The following STXBP5L variants were observed in gnomAD, a reference collection of about 807,000 sequenced individuals.
The protein encoded by STXBP5L is syntaxin binding protein 5L.
A neutral mutation model predicts 144.5 loss-of-function variants in STXBP5L; 65 were observed. The observed-to-expected ratio is 0.45, with a 90% CI of 0.37 to 0.55. The LOEUF (loss-of-function observed/expected upper bound fraction) is 0.55, where lower values mean the gene tolerates loss of function less well. Ranked by LOEUF, STXBP5L falls within the 20% of genes least tolerant of loss-of-function variation. The probability of loss-of-function intolerance (pLI) is 0.00; values close to 1 mark genes in which losing one functional copy is unlikely to be tolerated. For missense variants in STXBP5L, 1,298 were observed against 1,405.5 expected (o/e 0.92, Z 1.22); for synonymous variants, 505 against 469.6 (o/e 1.08, Z -0.97).
intron 5 of STXBP5L, among the ~76,000 whole-genome samples, chr3:121,089,092 T>TAAAAAAAAAAAAAA (rs375977537): frequency 3.6e-5 from 2 of 56,150 alleles, no homozygotes; most frequent in African/African-American, 6.9e-5. Context: ...TAGAGTATAA[T>TAAAAAAAAAAAAAA]AAAAAAAAAA....
At chr3:121,416,320 T>A (rs2047231896) in intron 25 of STXBP5L, among the ~76,000 whole-genome samples, 2 of 151,596 alleles carry the variant, frequency 1.3e-5, no homozygotes. Context: ...TTGAATCTGC[T>A]TGACTTTAAT....
At chr3:120,957,609 G>A (rs1449403900) in intron 3 of STXBP5L, among the ~76,000 whole-genome samples, 5 of 151,794 alleles carry the variant, frequency 3.3e-5, no homozygotes, top group Non-Finnish European at 7.4e-5. Context: ...AAGAGTTTGA[G>A]TAGAAGTAGT....
At chr3:121,289,874 C>T in intron 19 of STXBP5L, among the ~76,000 whole-genome samples, 1 of 152,032 alleles carries the variant, frequency 6.6e-6, no homozygotes, top group Non-Finnish European at 1.5e-5. Flanking sequence ...GTAATAGTGG[C>T]ACAACCTATC....
rs1559881678 is a variant in STXBP5L, at chr3:121,223,008, C to G, written c.962C>G (p.Pro321Arg). The G allele has an allele frequency of 1.9e-6, 3 of 1,597,426 alleles. No individual in the cohort carries two copies. Residue 321 changes from proline to arginine, a missense_variant, in exon 11 of 27, where the codon CCA becomes CGA. Physicochemically the swap from Pro to Arg is moderately radical, Grantham distance 103. Coordinates refer to ENST00000471454, the MANE Select transcript of STXBP5L (RefSeq NM_001308330.2). ...TCATGTTTTTTCCTATGTAGCGAAC[C>G]ATTCATAATATTCTCTGGTGGGCTG... ...VEYKTCKNSE[P>R]FIIFSGGLSY...
At chr3:121,313,208 A>G (rs1352152385) in intron 19 of STXBP5L, among the ~76,000 whole-genome samples, 5 of 116,930 alleles carry the variant, frequency 4.3e-5, no homozygotes, top group South Asian at 3.2e-4. Flanking sequence ...GGCCGGCCGG[A>G]AGGGGGGCTG....
chr3:121,090,284 T>G (rs1489713344), intron 5 of STXBP5L, among the ~76,000 whole-genome samples: 1 of 152,114 alleles, frequency 6.6e-6, no homozygotes. Context: ...GTGCTCCATT[T>G]AAACTCACTG....
intron 19 of STXBP5L, among the ~76,000 whole-genome samples, chr3:121,306,972 G>GGCAGACA (rs1432553066): frequency 6.6e-6 from 1 of 152,026 alleles, no homozygotes; most frequent in Non-Finnish European, 1.5e-5. Flanking sequence ...TATTAACAGA[G>GGCAGACA]GCAGACAGGT....
chr3:121,102,853 A>G (rs140447374), intron 5 of STXBP5L, among the ~76,000 whole-genome samples: 1 of 152,236 alleles, frequency 6.6e-6, no homozygotes, highest in East Asian at 1.9e-4. Context: ...ATAATTCAAC[A>G]AGCAAGAAAC....
chr3:120,985,011 C>A (rs1327804102), intron 3 of STXBP5L, among the ~76,000 whole-genome samples: 1 of 151,994 alleles, frequency 6.6e-6, no homozygotes. Flanking sequence ...GAATAAATCC[C>A]ACTTGGTCAT....
chr3:120,927,061 G>A (rs1425076521), intron 2 of STXBP5L, among the ~76,000 whole-genome samples: 7 of 151,240 alleles, frequency 4.6e-5, no homozygotes, highest in Non-Finnish European at 8.8e-5. Context: ...TCAGCCTCCC[G>A]AGTATCTAGG....
At chr3:120,963,278 G>T (rs1052842184) in intron 3 of STXBP5L, among the ~76,000 whole-genome samples, 6 of 152,092 alleles carry the variant, frequency 3.9e-5, no homozygotes, top group Admixed American at 6.6e-5. Flanking sequence ...TCTTTCTCTT[G>T]TTTGATTGCC....
intron 2 of STXBP5L, among the ~76,000 whole-genome samples, chr3:120,954,178 A>C (rs771132842): frequency 2.0e-5 from 3 of 152,136 alleles, no homozygotes; most frequent in Non-Finnish European, 2.9e-5. Context: ...CGTATACATA[A>C]CATTGAATAG....
chr3:121,168,366 A>G (rs144895961), intron 9 of STXBP5L, among the ~76,000 whole-genome samples: 73 of 152,334 alleles, frequency 4.8e-4, no homozygotes, highest in African/African-American at 1.7e-3. Context: ...AGTAGGCTTC[A>G]GGAGGTGAGT....
rs1408800716 is a variant in STXBP5L, at chr3:120,991,386, C to A, written c.287+36349C>A. On this transcript the variant is annotated intron_variant, in intron 3 of 26. Transcript: ENST00000471454. ...GAACACTTTTACAGTGGTGGTGGGA[C>A]TGTAAACTAGTTCAACCATTGTGGA... Among the ~76,000 whole-genome samples, 14 of 151,760 alleles carry A rather than the reference C, an allele frequency of 9.2e-5. 1 individual carries two copies. The highest frequency in any genetic ancestry group is 2.1e-4 in the Non-Finnish European group (14 of 67,958).
chr3:120,976,651 G>A (rs1270732445), intron 3 of STXBP5L, among the ~76,000 whole-genome samples: 15 of 151,920 alleles, frequency 9.9e-5, no homozygotes, highest in East Asian at 1.9e-4. Context: ...TGTCAATTTT[G>A]GATCTTTCCT....
At chr3:121,203,831 T>A (rs2048231326) in intron 9 of STXBP5L, among the ~76,000 whole-genome samples, 2 of 152,204 alleles carry the variant, frequency 1.3e-5, no homozygotes, top group Non-Finnish European at 2.9e-5. Context: ...GGAAAAGACA[T>A]ATAAACTAAG....
chr3:121,293,434 G>A (rs545760021), intron 19 of STXBP5L, among the ~76,000 whole-genome samples: 6 of 148,888 alleles, frequency 4.0e-5, no homozygotes, highest in African/African-American at 1.0e-4. Context: ...GGATGTATAC[G>A]TATGTCAAAA....
chr3:120,986,024 T>A (rs12152367), intron 3 of STXBP5L, among the ~76,000 whole-genome samples: 15 of 152,102 alleles, frequency 9.9e-5, no homozygotes, highest in South Asian at 2.1e-4. Context: ...GAGACTTTTT[T>A]AAAAAGTAAA....
chr3:121,087,801 T>C (rs1200573848), intron 5 of STXBP5L, among the ~76,000 whole-genome samples: 2 of 152,042 alleles, frequency 1.3e-5, no homozygotes, highest in Admixed American at 6.6e-5. Flanking sequence ...CATTTTGACT[T>C]ATTATTAGTT....
Sources: allele counts gnomAD v4.1 joint callset (sites outside exome capture counted in the v4.1 genomes callset), GRCh38; gene constraint gnomAD v4.1.1; transcripts MANE v1.5; gene names NCBI Gene and HGNC (gene_info 2026-07-23, HGNC 2026-07-21).